COL11A2: variants seen among roughly 807,000 people sequenced by gnomAD.
COL11A2 encodes the protein collagen alpha-2(XI) chain.
COL11A2 carries 116 observed loss-of-function variants against 273.4 expected under a neutral mutation model. The observed-to-expected ratio is 0.42, with a 90% CI of 0.36 to 0.49. The LOEUF (loss-of-function observed/expected upper bound fraction) is 0.49. COL11A2 is among the 20% of genes least tolerant of loss of function. The probability of loss-of-function intolerance (pLI) is 0.00; values close to 1 mark genes in which losing one functional copy is unlikely to be tolerated. For missense variants in COL11A2, 1,866 were observed against 2,309.0 expected (o/e 0.81, Z 3.93); for synonymous variants, 782 against 864.2 (o/e 0.90, Z 1.67).
chr6:33,172,884 G>A (rs915992), intron 38 of COL11A2, among the ~76,000 whole-genome samples, 176 bp downstream of exon 38: 1 of 152,086 alleles, frequency 6.6e-6, no homozygotes, highest in Non-Finnish European at 1.5e-5. Flanking sequence ...ATGAGAATGC[G>A]CCCCAAAACA....
At position 33,181,150 on chromosome 6, in the gene COL11A2, C is replaced by T; in HGVS notation, c.1140G>A (p.Gly380=). 1 of 1,614,210 alleles carries T rather than the reference C, an allele frequency of 6.2e-7. No homozygotes were observed. The highest frequency in any genetic ancestry group is 8.5e-7 in the Non-Finnish European group (1 of 1,180,042). ...HSGAAAHGPR[G]LKGEKGEPAV... Reference sequence around the variant, plus strand: ...CAGGCTCTCCTTTCTCTCCCTTCAGCCCTCGGGGTCCATGGGCAGCCTGAA... The same window carrying T: ...CAGGCTCTCCTTTCTCTCCCTTCAGTCCTCGGGGTCCATGGGCAGCCTGAA... The change falls in exon 9 of 66, where the codon GGG becomes GGA. Residue 380 remains glycine (G), a synonymous_variant. Coordinates refer to ENST00000341947, the MANE Select transcript of COL11A2 (RefSeq NM_080680.3).
chr6:33,171,914 CAG>C (rs1251659152), intron 41 of COL11A2, 94 bp from the exon 42 acceptor site: 15 of 1,544,232 alleles, frequency 9.7e-6, no homozygotes, highest in Non-Finnish European at 1.3e-5. Flanking sequence ...CTCCCAAAAT[CAG>C]ATGCATTCTG....
At chr6:33,172,124 G>T (rs766965181) in intron 40 of COL11A2, 21 bp from the exon 41 acceptor site, 2 of 1,612,646 alleles carry the variant, frequency 1.2e-6, no homozygotes, top group Non-Finnish European at 1.7e-6. Context: ...GACATTTGGG[G>T]AAGATGAGAC....
intron 38 of COL11A2, 98 bp from the exon 39 acceptor site, chr6:33,172,735 C>A: frequency 1.9e-6 from 2 of 1,027,896 alleles, no homozygotes; most frequent in Non-Finnish European, 3.0e-6. Flanking sequence ...CCTTCAGAAC[C>A]CCTTTATCCC....
At position 33,164,387 on chromosome 6, in the gene COL11A2, G is replaced by C; in HGVS notation, c.4950C>G (p.Asp1650Glu). ...CTGCTCCAGAGCAGGGGTAGGAGAC[G>C]TCCTGGTGGGCTGAGACGCTGAGCA... Reference protein sequence around the residue: ...LRLLSVSAHQDVSYPCSGAAR... With the variant: ...LRLLSVSAHQEVSYPCSGAAR... Residue 1650 changes from aspartate (D) to glutamate (E), a missense_variant, in exon 65 of 66, where the codon GAC becomes GAG. Transcript: ENST00000341947. The surrounding 1 kb of genome is among the most constrained non-coding windows in gnomAD (Gnocchi z 4.7). 1.2e-6 allele frequency: 2 copies of C among 1,609,974 alleles called. No individual in the cohort carries two copies. Among genetic ancestry groups the C allele is most frequent in the Non-Finnish European group, 1.7e-6 (2 of 1,178,632 alleles).
chr6:33,184,866 G>T, intron 7 of COL11A2, 126 bp downstream of exon 7: 2 of 773,060 alleles, frequency 2.6e-6, no homozygotes, highest in South Asian at 1.6e-5. Flanking sequence ...AGAGGCCATC[G>T]ATGGAAATGA....
Position 33,164,894 on chromosome 6 carries a change from T to G in COL11A2, c.4821A>C (p.Ala1607=), listed in dbSNP as rs749261447. Residue 1607 remains alanine (A), a synonymous_variant, in exon 64 of 66, where the codon GCA becomes GCC. Coordinates refer to ENST00000341947, the MANE Select transcript of COL11A2 (RefSeq NM_080680.3). The surrounding 1 kb of genome is among the most constrained non-coding windows in gnomAD (Gnocchi z 4.7). Reference sequence around the variant, plus strand: ...TAGGCGTCACACAGGTCTCACCCCCTGCTGTGAAGTTGCAGAAAACTCGGA... The same window carrying G: ...TAGGCGTCACACAGGTCTCACCCCCGGCTGTGAAGTTGCAGAAAACTCGGA... ...DAFRVFCNFT[A]GGETCVTPRD... The G allele has an allele frequency of 3.2e-5, 50 of 1,576,068 alleles. No homozygotes were observed. The highest frequency in any genetic ancestry group is 3.6e-5 in the Non-Finnish European group (42 of 1,159,546).
Position 33,164,370 on chromosome 6 carries a change from G to A in COL11A2, c.4967C>T (p.Ser1656Phe). The A allele has an allele frequency of 6.2e-7, 1 of 1,612,282 alleles. No homozygotes were observed. Among genetic ancestry groups the A allele is most frequent in the South Asian group, 1.1e-5 (1 of 90,904 alleles). The change falls in exon 65 of 66, where the codon TCT becomes TTT. Residue 1656 changes from serine to phenylalanine, a missense_variant. Transcript: ENST00000341947. The surrounding 1 kb of genome is among the most constrained non-coding windows in gnomAD (Gnocchi z 4.7). Reference protein sequence around the residue: ...SAHQDVSYPCSGAARDGPLRL... With the variant: ...SAHQDVSYPCFGAARDGPLRL... ...CAGGGGACCGTCACGGGCTGCTCCA[G>A]AGCAGGGGTAGGAGACGTCCTGGTG...
chr6:33,169,930 A>G lies in COL11A2; in HGVS notation c.3637-46T>C. On this transcript the variant is annotated intron_variant, in intron 49 of 65. Transcript: ENST00000341947. This position sits in a 1 kb window ranked among gnomAD's most constrained non-coding sequence, Gnocchi z 5.5. Reference sequence around the variant, plus strand: ...AAAACCTCCTCTCCTTCCCCAGCCAAAAAATTCTGATATTCCCCACATCTC... The same window carrying G: ...AAAACCTCCTCTCCTTCCCCAGCCAGAAAATTCTGATATTCCCCACATCTC... 6.2e-7 allele frequency: 1 copy of G among 1,613,900 alleles called. No individual in the cohort carries two copies. Among genetic ancestry groups the G allele is most frequent in the Admixed American group, 1.7e-5 (1 of 60,024 alleles).
In COL11A2 at chr6:33,171,337, G is replaced by A. The variant is rs780599044; in HGVS notation, c.3259-13C>T. Reference sequence around the variant, plus strand: ...CCCCCACCTCACCCTGGGAGGAGAAGGCAGACAAGATATTAGAGAAAGGTG... The same window carrying A: ...CCCCCACCTCACCCTGGGAGGAGAAAGCAGACAAGATATTAGAGAAAGGTG... On this transcript the variant is annotated splice_polypyrimidine_tract_variant and intron_variant, in intron 43 of 65. Transcript: ENST00000341947. The A allele has an allele frequency of 6.2e-7, 1 of 1,614,164 alleles. No homozygotes were observed. The highest frequency in any genetic ancestry group is 8.5e-7 in the Non-Finnish European group (1 of 1,179,986).
rs373659846 is a variant in COL11A2 at position 33,176,078 on chromosome 6, G to T, written c.2215-9C>A. 8.7e-6 allele frequency: 14 copies of T among 1,612,928 alleles called. No homozygotes were observed. The South Asian group carries it at 1.2e-4, about 14-fold the overall frequency. On this transcript the variant is annotated splice_polypyrimidine_tract_variant and intron_variant, in intron 28 of 65. Transcript: ENST00000341947. The surrounding 1 kb of genome is among the most constrained non-coding windows in gnomAD (Gnocchi z 4.9). Reference sequence around the variant, plus strand: ...GGAAAGCCATCCTCACCCTGAGAAAGATAGAGGTGAGAGGGCACCACAGAT... The same window carrying T: ...GGAAAGCCATCCTCACCCTGAGAAATATAGAGGTGAGAGGGCACCACAGAT...
intron 4 of COL11A2, among the ~76,000 whole-genome samples, chr6:33,187,161 C>A (rs763631839): frequency 6.7e-6 from 1 of 149,622 alleles, no homozygotes; most frequent in Non-Finnish European, 1.5e-5. Context: ...CTCCCCTCTG[C>A]GCTTTGTGGC....
At position 33,163,535 on chromosome 6, in the gene COL11A2, C is replaced by T; in HGVS notation, c.*143G>A. On this transcript the variant is annotated 3_prime_UTR_variant, in exon 66 of 66. Coordinates refer to ENST00000341947, the MANE Select transcript of COL11A2 (RefSeq NM_080680.3). The surrounding 1 kb of genome is among the most constrained non-coding windows in gnomAD (Gnocchi z 4.1). The stretch of plus-strand genomic sequence containing the variant: ...GGCAACCACTTCACCCCTCCCCTGG[C>T]CTGCCCCGACTGAGGGCTCTCCACG... 7.5e-7 allele frequency: 1 copy of T among 1,338,550 alleles called. No homozygotes were observed. The highest frequency in any genetic ancestry group is 1.4e-5 in the African/African-American group (1 of 69,384). The allele number at this position is 1,338,550 out of a possible 1,614,324, so 82.9% of individuals were successfully genotyped here. A position where few individuals can be genotyped will look rare whatever the true frequency, so the allele number is the denominator to read the frequency against.
At position 33,167,332 on chromosome 6, in the gene COL11A2, G is replaced by C. The variant is rs1431846109; in HGVS notation, c.4123-15C>G. 3 of 1,613,324 alleles carry C rather than the reference G, an allele frequency of 1.9e-6. No individual in the cohort carries two copies. Among genetic ancestry groups the C allele is most frequent in the South Asian group, 2.2e-5 (2 of 91,086 alleles). ...CCTTGCTGACCCTGAAGATTTGAGGGGGCCACAGGGGTCAGGAGGAGCATC... is the reference window on the plus strand; with the variant it reads ...CCTTGCTGACCCTGAAGATTTGAGGCGGCCACAGGGGTCAGGAGGAGCATC... On this transcript the variant is annotated splice_polypyrimidine_tract_variant and intron_variant, in intron 56 of 65. Coordinates refer to ENST00000341947, the MANE Select transcript of COL11A2 (RefSeq NM_080680.3). This position sits in a 1 kb window ranked among gnomAD's most constrained non-coding sequence, Gnocchi z 6.1.
Position 33,172,111 on chromosome 6 carries a change from C to A in COL11A2, c.2989-8G>T. The A allele has an allele frequency of 6.2e-7, 1 of 1,612,854 alleles. No individual in the cohort carries two copies. The highest frequency in any genetic ancestry group is 8.5e-7 in the Non-Finnish European group (1 of 1,179,982). On this transcript the variant is annotated splice_region_variant and splice_polypyrimidine_tract_variant and intron_variant, in intron 40 of 65. Coordinates refer to ENST00000341947, the MANE Select transcript of COL11A2 (RefSeq NM_080680.3). The stretch of plus-strand genomic sequence containing the variant: ...CTTCAAACCAGGTCCACCCTATGAA[C>A]CAGACATTTGGGGAAGATGAGACTT...
At chr6:33,193,427 C>G (rs1395948048), upstream of COL11A2, among the ~76,000 whole-genome samples, 17 of 144,960 alleles carry the variant, frequency 1.2e-4, no homozygotes, top group South Asian at 2.7e-3. Context: ...CCCTCTCCCC[C>G]CCTCCCCGAC....
chr6:33,171,173 T>C lies in COL11A2; in HGVS notation c.3313-6A>G, dbSNP rs765283412. 6.2e-7 allele frequency: 1 copy of C among 1,608,038 alleles called. No individual in the cohort carries two copies. Among genetic ancestry groups the C allele is most frequent in the East Asian group, 2.2e-5 (1 of 44,624 alleles). ...CCAGGGGGTCCAGGAGGGCCCTGGG[T>C]AAGAGAAGAGAGTCAGAGACACCAA... On this transcript the variant is annotated splice_region_variant and splice_polypyrimidine_tract_variant and intron_variant, in intron 44 of 65. Coordinates refer to ENST00000341947, the MANE Select transcript of COL11A2 (RefSeq NM_080680.3).
At position 33,163,914 on chromosome 6, in the gene COL11A2, G is replaced by C; in HGVS notation, c.5071-96C>G. On this transcript the variant is annotated intron_variant, in intron 65 of 65. Transcript: ENST00000341947. This position sits in a 1 kb window ranked among gnomAD's most constrained non-coding sequence, Gnocchi z 4.1. ...GGCTCACCTCTCCTCTGAGCACCTTGGCCCCATCAGGGTGACTCAGGATGT... is the reference window on the plus strand; with the variant it reads ...GGCTCACCTCTCCTCTGAGCACCTTCGCCCCATCAGGGTGACTCAGGATGT... The C allele has an allele frequency of 3.2e-6, 5 of 1,576,270 alleles. No individual in the cohort carries two copies. The highest frequency in any genetic ancestry group is 4.4e-6 in the Non-Finnish European group (5 of 1,149,120).
rs530546737 is a variant in COL11A2 at position 33,189,292 on chromosome 6, C to G, written c.232+28G>C. Reference sequence around the variant, plus strand: ...TAGGCCCCATCCCATTACCTCCCCCCAGGCCTACCCCACCATGTCACCCAT... The same window carrying G: ...TAGGCCCCATCCCATTACCTCCCCCGAGGCCTACCCCACCATGTCACCCAT... On this transcript the variant is annotated intron_variant, in intron 2 of 65. Transcript: ENST00000341947. This position sits in a 1 kb window ranked among gnomAD's most constrained non-coding sequence, Gnocchi z 5.6. 9.3e-6 allele frequency: 15 copies of G among 1,613,940 alleles called. No individual in the cohort carries two copies. In the Admixed American group the frequency reaches 2.0e-4, roughly 22 times the overall value.
Sources: allele counts gnomAD v4.1 joint callset (sites outside exome capture counted in the v4.1 genomes callset), GRCh38; gene constraint gnomAD v4.1.1; non-coding constraint Gnocchi (gnomAD v3.1); transcripts MANE v1.5; gene names NCBI Gene and HGNC (gene_info 2026-07-23, HGNC 2026-07-21).